The following CSTPP1 variants were observed in gnomAD, a reference collection of about 807,000 sequenced individuals.
CSTPP1 encodes the protein centriolar satellite-associated tubulin polyglutamylase complex regulator 1, also known as UPF0705 protein C11orf49.
chr11:47,011,780 A>G, the CSTPP1 span, among the ~76,000 whole-genome samples: 10 of 152,196 alleles, frequency 6.6e-5, no homozygotes, highest in African/African-American at 2.2e-4. Context: ...ATGCTCTTCT[A>G]GATGTCTAAA....
chr11:47,117,877 CTTTTTTTTTTT>C, the CSTPP1 span, among the ~76,000 whole-genome samples: 1 of 66,372 alleles, frequency 1.5e-5, no homozygotes, highest in Non-Finnish European at 2.8e-5. Flanking sequence ...TATTTCTTTT[CTTTTTTTTTTT>C]TTTTTTTTTT....
At chr11:47,022,237 T>C in the CSTPP1 span, among the ~76,000 whole-genome samples, 1 of 151,694 alleles carries the variant, frequency 6.6e-6, no homozygotes, top group Admixed American at 6.6e-5. Context: ...TCCCATACTT[T>C]AACAAAAAAA....
the CSTPP1 span, among the ~76,000 whole-genome samples, chr11:47,032,424 T>C: frequency 6.6e-6 from 1 of 152,194 alleles, no homozygotes. Flanking sequence ...GTATGGCACA[T>C]AGATGATTAT....
the CSTPP1 span, among the ~76,000 whole-genome samples, chr11:47,117,690 G>A: frequency 1.3e-3 from 201 of 152,142 alleles, 1 homozygote; most frequent in Admixed American, 4.6e-3. Flanking sequence ...TTGCTAGGTT[G>A]GGGAAGTTCT....
chr11:47,094,847 G>A, the CSTPP1 span, among the ~76,000 whole-genome samples: 1 of 152,290 alleles, frequency 6.6e-6, no homozygotes, highest in Admixed American at 6.5e-5. Flanking sequence ...GGAGGCACAA[G>A]ATGAGAAAGA....
the CSTPP1 span, among the ~76,000 whole-genome samples, chr11:47,038,071 C>T: frequency 0.13 from 11,102 of 85,116 alleles, 945 homozygotes; most frequent in South Asian, 0.26. Context: ...CGCCCCTCAC[C>T]TCCCGGATGG....
chr11:47,142,190 C>T, the CSTPP1 span, among the ~76,000 whole-genome samples: 56 of 150,804 alleles, frequency 3.7e-4, no homozygotes, highest in Non-Finnish European at 6.3e-4. Flanking sequence ...TTGCAGTGAG[C>T]CGAGATCGCG....
chr11:47,157,968 C>T, the CSTPP1 span: 58 of 1,535,678 alleles, frequency 3.8e-5, no homozygotes, highest in East Asian at 1.1e-3. Flanking sequence ...CCGCACAACA[C>T]AGGGAGCAGC....
At chr11:47,016,403 AC>A in the CSTPP1 span, among the ~76,000 whole-genome samples, 711 of 20,046 alleles carry the variant, frequency 0.035, 3 homozygotes, top group South Asian at 0.062. Context: ...AAAACAAAAA[AC>A]AAAAAACAAA....
At chr11:46,993,538 T>G in the CSTPP1 span, among the ~76,000 whole-genome samples, 2 of 152,150 alleles carry the variant, frequency 1.3e-5, no homozygotes, top group African/African-American at 4.8e-5. Context: ...TAGGGAATCC[T>G]TTCCCCATTT....
At chr11:47,013,751 C>A in the CSTPP1 span, among the ~76,000 whole-genome samples, 2 of 152,128 alleles carry the variant, frequency 1.3e-5, no homozygotes, top group East Asian at 3.8e-4. Flanking sequence ...TGGGTGTATA[C>A]CCGGTAATGG....
chr11:47,047,243 A>AG, the CSTPP1 span, among the ~76,000 whole-genome samples: 1 of 152,190 alleles, frequency 6.6e-6, no homozygotes, highest in Non-Finnish European at 1.5e-5. Context: ...TTTTTCACTG[A>AG]GAGAAGAAGC....
the CSTPP1 span, among the ~76,000 whole-genome samples, chr11:46,982,298 G>C: frequency 6.6e-6 from 1 of 151,880 alleles, no homozygotes; most frequent in African/African-American, 2.4e-5. Context: ...GAAAAAGTCA[G>C]GTTTAAAGTT....
chr11:47,021,430 A>G, the CSTPP1 span, among the ~76,000 whole-genome samples: 1 of 152,170 alleles, frequency 6.6e-6, no homozygotes, highest in African/African-American at 2.4e-5. Context: ...TTCAGAGTAG[A>G]AAGGGGCCCC....
At chr11:47,122,361 C>G in the CSTPP1 span, among the ~76,000 whole-genome samples, 1 of 150,878 alleles carries the variant, frequency 6.6e-6, no homozygotes, top group African/African-American at 2.4e-5. Flanking sequence ...AGGGAAGGAA[C>G]TAAATGGCAT....
the CSTPP1 span, chr11:47,157,966 C>A: frequency 6.5e-7 from 1 of 1,542,764 alleles, no homozygotes; most frequent in South Asian, 1.1e-5. Flanking sequence ...TGCCGCACAA[C>A]ACAGGGAGCA....
chr11:47,122,595 T>G, the CSTPP1 span, among the ~76,000 whole-genome samples: 1 of 152,192 alleles, frequency 6.6e-6, no homozygotes, highest in South Asian at 2.1e-4. Flanking sequence ...ATTTTTTATT[T>G]TTTTTGAGGC....
chr11:47,052,534 T>G, the CSTPP1 span: 1 of 1,611,018 alleles, frequency 6.2e-7, no homozygotes, highest in South Asian at 1.1e-5. Flanking sequence ...TCTTCCCAAA[T>G]TCTTTTTCCT....
At chr11:46,946,764 G>A in the CSTPP1 span, among the ~76,000 whole-genome samples, 97 of 152,292 alleles carry the variant, frequency 6.4e-4, no homozygotes, top group Middle Eastern at 0.014. Flanking sequence ...ACTTATCAGA[G>A]TTATCTTGTG....
Sources: gnomAD v4.1 joint callset for allele counts (sites outside exome capture counted in the v4.1 genomes callset) on GRCh38, gnomAD v4.1.1 for gene constraint, MANE v1.5 for transcripts, NCBI Gene and HGNC (gene_info 2026-07-23, HGNC 2026-07-21) for gene names.